The following NNT variants were observed in gnomAD, a reference collection of about 807,000 sequenced individuals.
NNT encodes NAD(P) transhydrogenase, mitochondrial.
NNT carries 50 observed loss-of-function variants against 104.8 expected under a neutral mutation model. The ratio of observed to expected loss-of-function variants is 0.48; its 90% CI spans 0.38 to 0.60. The LOEUF is 0.60. Among genes scored for constraint, NNT ranks in the 20% least tolerant of loss-of-function variants. NNT has a pLI of 0.00. For missense variants in NNT, 1,131 were observed against 1,330.7 expected, an observed-to-expected ratio of 0.85 and a Z score of 2.33; for synonymous variants, 461 against 490.4, an observed-to-expected ratio of 0.94 and a Z score of 0.79.
At chr5:43,644,914 G>T in intron 9 of NNT, 112 bp downstream of exon 9, 1 of 788,868 alleles carries the variant, frequency 1.3e-6, no homozygotes, top group Non-Finnish European at 1.9e-6. Flanking sequence ...TAAGGTATTG[G>T]TATGCCAGCT....
intron 17 of NNT, among the ~76,000 whole-genome samples, chr5:43,671,470 G>T (rs1741083804): frequency 6.6e-6 from 1 of 152,210 alleles, no homozygotes; most frequent in Non-Finnish European, 1.5e-5. Context: ...CTCTTGTAAG[G>T]CAGGCCTGGC....
At chr5:43,643,544 T>C (rs888776470) in intron 7 of NNT, among the ~76,000 whole-genome samples, 9 of 152,318 alleles carry the variant, frequency 5.9e-5, no homozygotes, top group Non-Finnish European at 1.3e-4. Context: ...CTTGACTCAC[T>C]GTAGACACCA....
chr5:43,662,554 TC>T (rs1400690722), intron 17 of NNT, among the ~76,000 whole-genome samples: 1 of 151,972 alleles, frequency 6.6e-6, no homozygotes, highest in Non-Finnish European at 1.5e-5. Context: ...TCATATTGGG[TC>T]AGATTAATAA....
At chr5:43,622,355 T>C (rs755852809) in intron 5 of NNT, among the ~76,000 whole-genome samples, 24 of 152,330 alleles carry the variant, frequency 1.6e-4, no homozygotes, top group Non-Finnish European at 2.6e-4. Context: ...GTTATATGAG[T>C]GAACACGAGC....
chr5:43,686,950 C>T (rs906462352), intron 19 of NNT, among the ~76,000 whole-genome samples: 1 of 152,132 alleles, frequency 6.6e-6, no homozygotes, highest in Non-Finnish European at 1.5e-5. Context: ...TTAACTGCTA[C>T]CCTATACTGC....
chr5:43,629,459 A>G (rs1425491508), intron 7 of NNT, among the ~76,000 whole-genome samples: 1 of 152,182 alleles, frequency 6.6e-6, no homozygotes, highest in East Asian at 1.9e-4. Context: ...TGTCTTTTCT[A>G]TATAATGACT....
intron 6 of NNT, among the ~76,000 whole-genome samples, chr5:43,626,349 A>G (rs1359828223): frequency 6.6e-6 from 1 of 152,132 alleles, no homozygotes; most frequent in Non-Finnish European, 1.5e-5. Flanking sequence ...ACTGTCTTTT[A>G]TAAGGGGCTT....
intron 19 of NNT, among the ~76,000 whole-genome samples, chr5:43,681,010 C>T (rs1290881542): frequency 6.6e-6 from 1 of 151,922 alleles, no homozygotes. Context: ...CCTGTAATCC[C>T]AGCACTTTGG....
chr5:43,683,638 C>T (rs1741833435), intron 19 of NNT, among the ~76,000 whole-genome samples: 1 of 152,184 alleles, frequency 6.6e-6, no homozygotes, highest in African/African-American at 2.4e-5. Flanking sequence ...AAGGATCTTG[C>T]TTATAAATAA....
At chr5:43,675,433 A>G (rs1230912901) in intron 17 of NNT, 78 bp from the exon 18 acceptor site, 16 of 1,229,184 alleles carry the variant, frequency 1.3e-5, no homozygotes, top group Non-Finnish European at 1.6e-5. Flanking sequence ...GATTCCAAAT[A>G]TCATATACAC....
intron 19 of NNT, among the ~76,000 whole-genome samples, chr5:43,697,380 G>A (rs548653320): frequency 7.2e-5 from 11 of 152,190 alleles, no homozygotes; most frequent in African/African-American, 1.4e-4. Context: ...TGTCCATAAC[G>A]TTATCAGCAT....
rs1266347611 is a variant in NNT, at chr5:43,628,304, A to G, written c.881A>G (p.Lys294Arg). Residue 294 changes from lysine to arginine, a missense_variant, in exon 7 of 22, where the codon AAA becomes AGA. Transcript: ENST00000344920. Reference sequence around the variant, plus strand: ...GGAGGATATGCAAAAGAGATGTCCAAAGAGTTCATTGAAGCTGAAATGAAA... The same window carrying G: ...GGAGGATATGCAAAAGAGATGTCCAGAGAGTTCATTGAAGCTGAAATGAAA... Reference protein sequence around the residue: ...GQGGYAKEMSKEFIEAEMKLF... With the variant: ...GQGGYAKEMSREFIEAEMKLF... 1 of 1,614,102 alleles carries G rather than the reference A, an allele frequency of 6.2e-7. No homozygotes were observed. The highest frequency in any genetic ancestry group is 2.2e-5 in the East Asian group (1 of 44,882).
intron 20 of NNT, among the ~76,000 whole-genome samples, chr5:43,701,274 G>A (rs1020746769): frequency 5.9e-5 from 9 of 152,038 alleles, no homozygotes; most frequent in South Asian, 2.1e-4. Flanking sequence ...TATTGTTGCC[G>A]TATTTATGTT....
chr5:43,620,318 C>T (rs1750013500), intron 5 of NNT, among the ~76,000 whole-genome samples: 1 of 152,092 alleles, frequency 6.6e-6, no homozygotes, highest in African/African-American at 2.4e-5. Context: ...CTCCCGGGTT[C>T]ATGCCATTCT....
In NNT at chr5:43,648,298, AG is replaced by A. The variant is rs967609879; in HGVS notation, c.1445-847del. ...AAGTAATAGTTTACATCAAGGAAAA[AG>A]GTACCTTATTCAGGAAAGTTAACTT... On this transcript the variant is annotated intron_variant, in intron 10 of 21. Transcript: ENST00000344920. 4 of 971,198 alleles carry A rather than the reference AG, an allele frequency of 4.1e-6. No individual in the cohort carries two copies. The African/African-American group carries it at 6.9e-5, about 17-fold the overall frequency. 60.2% of individuals were successfully genotyped at this position (971,198 alleles called of 1,614,324 possible). A position where few individuals can be genotyped will look rare whatever the true frequency, so the allele number is the denominator to read the frequency against.
rs1311072440 is a variant in NNT, at chr5:43,706,582, CT to C, written c.*2179del. On this transcript the variant is annotated 3_prime_UTR_variant, in exon 22 of 22. Transcript: ENST00000344920. ...AAATTAGGAGTTTGTGTTTAAATTA[CT>C]CATCTAAGCAAAAAATGTATATAAA... is the stretch of plus-strand genomic sequence containing the variant. 3 of 151,962 alleles carry C rather than the reference CT, an allele frequency of 2.0e-5. No individual in the cohort carries two copies. 9.4% of individuals were successfully genotyped at this position (151,962 alleles called of 1,614,324 possible).
At chr5:43,674,940 T>C (rs138586727) in intron 17 of NNT, among the ~76,000 whole-genome samples, 13 of 152,348 alleles carry the variant, frequency 8.5e-5, no homozygotes, top group African/African-American at 2.9e-4. Flanking sequence ...AGAGTCCTAA[T>C]GATGAACCCA....
chr5:43,672,075 T>C (rs1741132519), intron 17 of NNT, among the ~76,000 whole-genome samples: 2 of 152,270 alleles, frequency 1.3e-5, no homozygotes, highest in African/African-American at 4.8e-5. Flanking sequence ...GTTGATCGAA[T>C]TGGCTACTGA....
chr5:43,644,869 GA>G, intron 9 of NNT, 67 bp downstream of exon 9: 1 of 1,326,532 alleles, frequency 7.5e-7, no homozygotes, highest in Non-Finnish European at 1.0e-6. Flanking sequence ...TCTGTTTATG[GA>G]AGAATTCTAT....
Sources: gnomAD v4.1 joint callset for allele counts (sites outside exome capture counted in the v4.1 genomes callset) on GRCh38, gnomAD v4.1.1 for gene constraint, MANE v1.5 for transcripts, NCBI Gene and HGNC (gene_info 2026-07-23, HGNC 2026-07-21) for gene names.